The following EPS15L1 variants were observed in gnomAD, a reference collection of about 807,000 sequenced individuals.
The protein encoded by EPS15L1 is epidermal growth factor receptor substrate 15-like 1.
EPS15L1 carries 43 observed loss-of-function variants against 117.1 expected under a neutral mutation model. That is an observed-to-expected ratio of 0.37 (90% CI 0.29 to 0.47). The LOEUF (loss-of-function observed/expected upper bound fraction) is 0.47, where lower values mean the gene tolerates loss of function less well. EPS15L1 is among the 20% of genes least tolerant of loss of function. The pLI, the probability that EPS15L1 is intolerant of heterozygous loss-of-function variation, is 0.99. For missense variants in EPS15L1, 981 were observed against 1,164.0 expected (o/e 0.84, Z 2.29); for synonymous variants, 459 against 470.5 (o/e 0.98, Z 0.32).
rs533426768 is a variant in EPS15L1, at chr19:16,372,524, C to T, written c.2380+4598G>A. ...CCTCTTTGAAGTTCAACTCCCTGCA[C>T]GCTTTTTTTAACGGAAAAGATTTCC... On this transcript the variant is annotated intron_variant, in intron 22 of 23. Transcript: ENST00000455140. Among the ~76,000 whole-genome samples, 13 of 152,324 alleles carry T rather than the reference C, an allele frequency of 8.5e-5. No homozygotes were observed. In the South Asian group the frequency reaches 2.1e-3, roughly 24 times the overall value.
At chr19:16,421,167 CCT>C (rs2092810109) in intron 10 of EPS15L1, 150 bp downstream of exon 10, 6 of 845,602 alleles carry the variant, frequency 7.1e-6, no homozygotes, top group South Asian at 2.0e-5. Flanking sequence ...CCTTGCTCAG[CCT>C]CTGTCAGGCC....
At chr19:16,406,660 G>A (rs1340431913) in intron 13 of EPS15L1, among the ~76,000 whole-genome samples, 1 of 152,214 alleles carries the variant, frequency 6.6e-6, no homozygotes, top group Non-Finnish European at 1.5e-5. Flanking sequence ...GGACACTAGG[G>A]GCTCCAACAC....
At chr19:16,388,259 C>G (rs1052285898) in intron 19 of EPS15L1, among the ~76,000 whole-genome samples, 1 of 152,060 alleles carries the variant, frequency 6.6e-6, no homozygotes, top group African/African-American at 2.4e-5. Context: ...AGGCTGGTCT[C>G]GAACTCCTGG....
chr19:16,444,694 A>G (rs1300726380), intron 1 of EPS15L1, among the ~76,000 whole-genome samples: 1 of 151,680 alleles, frequency 6.6e-6, no homozygotes, highest in Non-Finnish European at 1.5e-5. Flanking sequence ...CAATGATCAG[A>G]GAGGTCTGGA....
At chr19:16,362,511 CTTTTTTTTTTTTTTT>C (rs71178690) in intron 22 of EPS15L1, among the ~76,000 whole-genome samples, 722 of 56,082 alleles carry the variant, frequency 0.013, 13 homozygotes, top group African/African-American at 0.039. Context: ...GGTTTAAGTT[CTTTTTTTTTTTTTTT>C]TTTTTTTTTT....
chr19:16,386,254 G>A, intron 19 of EPS15L1, 23 bp from the exon 20 acceptor site: 1 of 1,600,572 alleles, frequency 6.2e-7, no homozygotes, highest in Non-Finnish European at 8.5e-7. Flanking sequence ...AGAGAGGAAA[G>A]AGTAAAAAGC....
In EPS15L1 at chr19:16,377,226, G is replaced by A. The variant is rs1280794188; in HGVS notation, c.2276C>T (p.Ser759Phe). The change falls in exon 22 of 24, where the codon TCC (serine) becomes TTC (phenylalanine). Residue 759 changes from serine (S) to phenylalanine (F), a missense_variant. This residue lies in a region of EPS15L1 where 819 missense variants were observed against 949.0 expected (regional missense o/e 0.86). Coordinates refer to ENST00000455140, the MANE Select transcript of EPS15L1 (RefSeq NM_001258374.3). Reference sequence around the variant, plus strand: ...ATCTGAGAATCCTGCCCCTCCCAAGGAGGAGGTGAAAGGGCCAGAAGGTGG... The same window carrying A: ...ATCTGAGAATCCTGCCCCTCCCAAGAAGGAGGTGAAAGGGCCAGAAGGTGG... The part of the protein sequence containing the change: ...KPPPSGPFTS[S>F]LGGAGFSDDP... 6.2e-7 allele frequency: 1 copy of A among 1,613,140 alleles called. No individual in the cohort carries two copies. Among genetic ancestry groups the A allele is most frequent in the Non-Finnish European group, 8.5e-7 (1 of 1,179,634 alleles).
chr19:16,383,542 T>A lies in EPS15L1; in HGVS notation c.2247+1587A>T, dbSNP rs2092386515. The A allele has an allele frequency of 6.6e-6, 1 of 152,132 alleles. No individual in the cohort carries two copies. Among genetic ancestry groups the A allele is most frequent in the South Asian group, 2.1e-4 (1 of 4,832 alleles). 9.4% of individuals were successfully genotyped at this position (152,132 alleles called of 1,614,324 possible). A position where few individuals can be genotyped will look rare whatever the true frequency, so the allele number is the denominator to read the frequency against. On this transcript the variant is annotated intron_variant, in intron 21 of 23. Transcript: ENST00000455140. This position sits in a 1 kb window ranked among gnomAD's most constrained non-coding sequence, Gnocchi z 5.2. ...TAAATCTTCTGCCAGTCCCAAACCG[T>A]GTCACAGCGTGGCATATGAGGGATG...
intron 10 of EPS15L1, among the ~76,000 whole-genome samples, chr19:16,419,628 C>T (rs2092795038): frequency 2.6e-5 from 4 of 152,220 alleles, no homozygotes. Context: ...GCCATTACAA[C>T]AGAAGTTTCC....
chr19:16,401,546 C>T lies in EPS15L1; in HGVS notation c.1791+775G>A, dbSNP rs552420823. ...AGACATGCGCGGCCCGGCCCATCCG[C>T]TCCCGGAACAGCACCAAGACGAAAT... On this transcript the variant is annotated intron_variant, in intron 16 of 23. Transcript: ENST00000455140. 7 of 985,728 alleles carry T rather than the reference C, an allele frequency of 7.1e-6. No individual in the cohort carries two copies. The South Asian group carries it at 2.3e-4, about 33-fold the overall frequency. The allele number at this position is 985,728 out of a possible 1,614,324, so 61.1% of individuals were successfully genotyped here.
chr19:16,398,538 C>G (rs2092563907), intron 16 of EPS15L1, among the ~76,000 whole-genome samples: 1 of 152,208 alleles, frequency 6.6e-6, no homozygotes, highest in African/African-American at 2.4e-5. Flanking sequence ...CTGCCTTTCA[C>G]ACTGCCCCAT....
At chr19:16,389,081 C>T (rs1290058335) in intron 19 of EPS15L1, among the ~76,000 whole-genome samples, 1 of 151,830 alleles carries the variant, frequency 6.6e-6, no homozygotes, top group Non-Finnish European at 1.5e-5. Flanking sequence ...TGGTGAAACT[C>T]CATCTGCATT....
At chr19:16,418,538 A>G (rs1486799764) in intron 10 of EPS15L1, among the ~76,000 whole-genome samples, 1 of 152,220 alleles carries the variant, frequency 6.6e-6, no homozygotes, top group Non-Finnish European at 1.5e-5. Context: ...GGCCCCGGCT[A>G]CTGGCCTTCA....
intron 12 of EPS15L1, among the ~76,000 whole-genome samples, chr19:16,416,155 C>T (rs2092755526): frequency 6.6e-6 from 1 of 151,902 alleles, no homozygotes; most frequent in South Asian, 2.1e-4. Flanking sequence ...TAGAATACTG[C>T]ACCTGTTAAT....
At position 16,398,090 on chromosome 19, in the gene EPS15L1, C is replaced by A. The variant is rs1050162490; in HGVS notation, c.1792-2623G>T. On this transcript the variant is annotated intron_variant, in intron 16 of 23. Coordinates refer to ENST00000455140, the MANE Select transcript of EPS15L1 (RefSeq NM_001258374.3). ...AAAGGTCCAAAAGAAAGTTTCCTAG[C>A]AAGGCTGCCACCACCCTGGGGCAGC... Among the ~76,000 whole-genome samples, 4 of 152,182 alleles carry A rather than the reference C, an allele frequency of 2.6e-5. 1 individual carries two copies. Among genetic ancestry groups the A allele is most frequent in the Admixed American group, 2.6e-4 (4 of 15,282 alleles).
At position 16,393,940 on chromosome 19, in the gene EPS15L1, C is replaced by T; in HGVS notation, c.1966+11G>A. ...AGTCTAAAGACCGGTCCGGGAAACA[C>T]TGAATTTTACCTGTTGAAGTTGTCT... On this transcript the variant is annotated intron_variant, in intron 18 of 23. Transcript: ENST00000455140. 1 of 1,613,926 alleles carries T rather than the reference C, an allele frequency of 6.2e-7. No homozygotes were observed. Among genetic ancestry groups the T allele is most frequent in the Non-Finnish European group, 8.5e-7 (1 of 1,179,840 alleles).
chr19:16,376,493 G>A (rs1169834372), intron 22 of EPS15L1, among the ~76,000 whole-genome samples: 2 of 152,178 alleles, frequency 1.3e-5, no homozygotes, highest in African/African-American at 4.8e-5. Context: ...AGAGGGGCAG[G>A]GCCTGTAGGA....
chr19:16,392,460 A>G lies in EPS15L1; in HGVS notation c.1967-20T>C, dbSNP rs1416085415. 17 of 1,611,372 alleles carry G rather than the reference A, an allele frequency of 1.1e-5. No individual in the cohort carries two copies. Among genetic ancestry groups the G allele is most frequent in the South Asian group, 8.8e-5 (8 of 90,982 alleles). The stretch of plus-strand genomic sequence containing the variant: ...ATGGATCTAGAAGGAAAAATGCCCC[A>G]TAAGTAAACATTATACCAAGTGAAA... On this transcript the variant is annotated intron_variant, in intron 18 of 23. Coordinates refer to ENST00000455140, the MANE Select transcript of EPS15L1 (RefSeq NM_001258374.3).
intron 5 of EPS15L1, among the ~76,000 whole-genome samples, chr19:16,437,538 A>G (rs1229246063): frequency 6.6e-6 from 1 of 152,206 alleles, no homozygotes; most frequent in African/African-American, 2.4e-5. Flanking sequence ...GGAGGGATGA[A>G]AAAGTTCTGG....
Sources: allele counts gnomAD v4.1 joint callset (sites outside exome capture counted in the v4.1 genomes callset), GRCh38; gene constraint gnomAD v4.1.1; regional missense constraint gnomAD v4.1.1; non-coding constraint Gnocchi (gnomAD v3.1); transcripts MANE v1.5; gene names NCBI Gene and HGNC (gene_info 2026-07-23, HGNC 2026-07-21).